The following BARD1 variants were observed in gnomAD, a reference collection of about 807,000 sequenced individuals.
The protein encoded by BARD1 is BRCA1-associated RING domain protein 1.
BARD1 carries 73 observed loss-of-function variants against 77.0 expected under a neutral mutation model. The observed-to-expected ratio is 0.95, with a 90% CI of 0.79 to 1.15. The LOEUF (loss-of-function observed/expected upper bound fraction) is 1.15. Ranked by LOEUF, BARD1 falls within the 50% of genes most tolerant of loss-of-function variation. The pLI, the probability that BARD1 is intolerant of heterozygous loss-of-function variation, is 0.00. For missense variants in BARD1, 993 were observed against 938.8 expected (o/e 1.06, Z -0.75); for synonymous variants, 384 against 338.0 (o/e 1.14, Z -1.49).
At chr2:214,737,115 C>A (rs527407513) in intron 9 of BARD1, among the ~76,000 whole-genome samples, 1 of 152,108 alleles carries the variant, frequency 6.6e-6, no homozygotes, top group South Asian at 2.1e-4. Flanking sequence ...TCAAGGATTG[C>A]GACTCAAATG....
intron 1 of BARD1, among the ~76,000 whole-genome samples, chr2:214,809,066 GCAGAAGCCTCAGCCCCA>G (rs1376475822): frequency 6.6e-6 from 1 of 152,172 alleles, no homozygotes; most frequent in Non-Finnish European, 1.5e-5. Flanking sequence ...GGTAAAAAAT[GCAGAAGCCTCAGCCCCA>G]CCCCAGCCCG....
intron 9 of BARD1, among the ~76,000 whole-genome samples, chr2:214,737,696 T>C (rs924293990): frequency 6.6e-6 from 1 of 152,196 alleles, no homozygotes; most frequent in African/African-American, 2.4e-5. Flanking sequence ...ACATTATCAA[T>C]GCACTGGAAG....
rs2105987094 is a variant in BARD1 at position 214,728,844 on chromosome 2, G to C, written c.2166C>G (p.Tyr722Ter). The C allele has an allele frequency of 6.2e-7, 1 of 1,614,176 alleles. No individual in the cohort carries two copies. Among genetic ancestry groups the C allele is most frequent in the Non-Finnish European group, 8.5e-7 (1 of 1,180,036 alleles). Residue 722 changes from tyrosine (Y) to a stop codon, truncating the protein, a stop_gained, in exon 11 of 11, where the codon TAC becomes TAG. Coordinates refer to ENST00000260947, the MANE Select transcript of BARD1 (RefSeq NM_000465.4). LOFTEE classifies it high-confidence loss of function. Reference sequence around the variant, plus strand: ...GCTGATCAGAATCGGGTCTCGCATGGTATGCGACTGTATTGATGGTCTGAG... The same window carrying C: ...GCTGATCAGAATCGGGTCTCGCATGCTATGCGACTGTATTGATGGTCTGAG... ...DVTQTINTVA[Y>*]HARPDSDQRF...
chr2:214,765,088 A>G (rs1361613074), intron 6 of BARD1, among the ~76,000 whole-genome samples: 1 of 152,208 alleles, frequency 6.6e-6, no homozygotes, highest in Non-Finnish European at 1.5e-5. Context: ...AATAAAATAC[A>G]TTTTAAAATT....
chr2:214,759,878 A>G (rs1431492953), intron 6 of BARD1, among the ~76,000 whole-genome samples: 3 of 152,194 alleles, frequency 2.0e-5, no homozygotes, highest in Non-Finnish European at 4.4e-5. Context: ...AATTCATACC[A>G]CAATATGGTT....
intron 9 of BARD1, among the ~76,000 whole-genome samples, chr2:214,741,690 ATAAAATAAG>A (rs1165757976): frequency 6.6e-6 from 1 of 152,188 alleles, no homozygotes; most frequent in East Asian, 1.9e-4. Flanking sequence ...TCTGTAAAAT[ATAAAATAAG>A]TATCATTCTG....
rs748566423 is a variant in BARD1, at chr2:214,769,250, A to G, written c.1377T>C (p.His459=). 1 of 1,613,108 alleles carries G rather than the reference A, an allele frequency of 6.2e-7. No individual in the cohort carries two copies. Among genetic ancestry groups the G allele is most frequent in the Non-Finnish European group, 8.5e-7 (1 of 1,179,094 alleles). The stretch of plus-strand genomic sequence containing the variant: ...CAACTACCAATGGTGTCCATCCAGC[A>G]TGGTCTTTAACATTTGGATCACTTC... ...QNGSDPNVKD[H]AGWTPLHEAC... is the part of the protein sequence containing the mutation. Residue 459 remains histidine (H), a synonymous_variant, in exon 5 of 11, where the codon CAT becomes CAC. Coordinates refer to ENST00000260947, the MANE Select transcript of BARD1 (RefSeq NM_000465.4).
intron 1 of BARD1, among the ~76,000 whole-genome samples, chr2:214,805,278 C>T (rs780236356): frequency 6.6e-6 from 1 of 152,212 alleles, no homozygotes; most frequent in Non-Finnish European, 1.5e-5. Context: ...TTACCCTGAA[C>T]TTGTATTTAT....
At position 214,786,857 on chromosome 2, in the gene BARD1, C is replaced by T. The variant is rs144261001; in HGVS notation, c.365-5348G>A. The stretch of plus-strand genomic sequence containing the variant: ...AGGATCTTGGAAAGTATCAGAATGA[C>T]GTATCCATTCACATAGAGACTTTAT... On this transcript the variant is annotated intron_variant, in intron 3 of 10. Transcript: ENST00000260947. 3.9e-3 allele frequency among the ~76,000 whole-genome samples: 597 copies of T among 151,998 alleles called. 3 individuals are homozygous for T. Among genetic ancestry groups the T allele is most frequent in the African/African-American group, 0.013 (555 of 41,526 alleles).
chr2:214,799,280 G>A (rs193167922), intron 1 of BARD1, among the ~76,000 whole-genome samples: 1 of 152,198 alleles, frequency 6.6e-6, no homozygotes, highest in East Asian at 1.9e-4. Flanking sequence ...CAGCCTGAGT[G>A]ACAGAGCCAG....
At chr2:214,735,356 T>C (rs10804234) in intron 9 of BARD1, among the ~76,000 whole-genome samples, 152,272 of 152,284 alleles carry the variant, frequency 1, 76,130 homozygotes, top group Non-Finnish European at 1. Context: ...AAAGAGGAGG[T>C]AAAGTATCAC....
rs786203051 is a variant in BARD1, at chr2:214,781,273, T to C, written c.601A>G (p.Arg201Gly). ...TTCTTTTTTTGCTTTTTTCCAGATC[T>C]TGCAGAAGCCTTTTTAGCCCTCTCA... ...VSERAKKASA[R>G]SGKKQKKKTL... The change falls in exon 4 of 11, where the codon AGA (arginine) becomes GGA (glycine). Residue 201 changes from arginine (R) to glycine (G), a missense_variant. Arg to Gly is a moderately radical substitution (Grantham distance 125). Transcript: ENST00000260947. The C allele has an allele frequency of 6.3e-7, 1 of 1,599,450 alleles. No individual in the cohort carries two copies. The highest frequency in any genetic ancestry group is 8.5e-7 in the Non-Finnish European group (1 of 1,176,424).
chr2:214,744,213 G>T (rs188033631), intron 9 of BARD1, among the ~76,000 whole-genome samples: 201 of 152,240 alleles, frequency 1.3e-3, no homozygotes, highest in African/African-American at 4.6e-3. Context: ...GTGATGGTGG[G>T]TTGACTATCA....
intron 3 of BARD1, among the ~76,000 whole-genome samples, chr2:214,782,225 C>T (rs1342285715): frequency 1.3e-5 from 2 of 152,080 alleles, no homozygotes; most frequent in East Asian, 1.9e-4. Flanking sequence ...ACAATAACTA[C>T]ATATTCAAAC....
intron 5 of BARD1, among the ~76,000 whole-genome samples, chr2:214,767,992 A>G (rs114109320): frequency 0.052 from 7,911 of 152,270 alleles, 227 homozygotes; most frequent in Admixed American, 0.083. Context: ...AAAAGTCTAC[A>G]TATTTAATAA....
At chr2:214,781,731 A>G (rs1386436343) in intron 3 of BARD1, among the ~76,000 whole-genome samples, 2 of 152,176 alleles carry the variant, frequency 1.3e-5, no homozygotes, top group Non-Finnish European at 2.9e-5. Flanking sequence ...AAGATATAGC[A>G]GAGAACAAAA....
intron 3 of BARD1, among the ~76,000 whole-genome samples, chr2:214,782,982 G>A (rs73989352): frequency 0.023 from 3,496 of 152,210 alleles, 135 homozygotes; most frequent in African/African-American, 0.079. Flanking sequence ...CAAGAGGCAA[G>A]AGCAAGATGA....
intron 2 of BARD1, among the ~76,000 whole-genome samples, chr2:214,796,139 T>C (rs1000176032): frequency 6.6e-6 from 1 of 152,190 alleles, no homozygotes; most frequent in Admixed American, 6.5e-5. Context: ...ATTTTCCCTG[T>C]CTCATAGGCA....
rs111269933 is a variant in BARD1, at chr2:214,759,080, AG to A, written c.1569-6526del. Among the ~76,000 whole-genome samples the A allele has an allele frequency of 2.1e-3, 314 of 152,364 alleles. 2 individuals carry two copies. Among genetic ancestry groups the A allele is most frequent in the African/African-American group, 7.1e-3 (294 of 41,586 alleles). On this transcript the variant is annotated intron_variant, in intron 6 of 10. Transcript: ENST00000260947. Reference sequence around the variant, plus strand: ...CTTTGCTTGCTATGGAGCAGGATAAAGCAGAGTAATTCAAACTAGCAACATG... The same window carrying A: ...CTTTGCTTGCTATGGAGCAGGATAAACAGAGTAATTCAAACTAGCAACATG...
Sources: gnomAD v4.1 joint callset for allele counts (sites outside exome capture counted in the v4.1 genomes callset) on GRCh38, gnomAD v4.1.1 for gene constraint, MANE v1.5 for transcripts, NCBI Gene and HGNC (gene_info 2026-07-23, HGNC 2026-07-21) for gene names.